Variants in ACTN1 observed in about 807,000 individuals in gnomAD.
The protein encoded by ACTN1 is alpha-actinin-1.
In ACTN1, 30 loss-of-function variants were observed where a neutral mutation model predicts 119.6. The observed-to-expected ratio is 0.25, with a 90% CI of 0.19 to 0.34. The LOEUF is 0.34. ACTN1 is among the 10% of genes least tolerant of loss of function. The pLI, the probability that ACTN1 is intolerant of heterozygous loss-of-function variation, is 1.00. For synonymous variants in ACTN1, 429 were observed against 472.6 expected (o/e 0.91, Z 1.20); for missense variants, 764 against 1,223.4 (o/e 0.62, Z 5.60).
intron 9 of ACTN1, 65 bp downstream of exon 9, chr14:68,893,590 G>C: frequency 6.9e-7 from 1 of 1,455,628 alleles, no homozygotes; most frequent in Non-Finnish European, 9.6e-7. Context: ...GAAAGACTTG[G>C]AGGTACACGT....
intron 1 of ACTN1, among the ~76,000 whole-genome samples, chr14:68,950,889 C>T (rs189099289): frequency 6.6e-6 from 1 of 152,262 alleles, no homozygotes; most frequent in Admixed American, 6.5e-5. Context: ...TATCATAAAA[C>T]AAAACAGATA....
intron 8 of ACTN1, among the ~76,000 whole-genome samples, chr14:68,897,703 C>T (rs1280865484): frequency 6.6e-6 from 1 of 152,244 alleles, no homozygotes; most frequent in Non-Finnish European, 1.5e-5. Flanking sequence ...CTGTCCACTG[C>T]CCAGTCTTTC....
At chr14:68,960,187 G>A (rs1159176712) in intron 1 of ACTN1, among the ~76,000 whole-genome samples, 1 of 152,172 alleles carries the variant, frequency 6.6e-6, no homozygotes, top group Admixed American at 6.5e-5. Flanking sequence ...AGAGGTGGAG[G>A]AGGAGGAAGG....
At chr14:68,924,175 C>G (rs376645129) in intron 2 of ACTN1, among the ~76,000 whole-genome samples, 1 of 152,224 alleles carries the variant, frequency 6.6e-6, no homozygotes, top group East Asian at 1.9e-4. Flanking sequence ...GATGAAGAGC[C>G]CTGAAGGTGG....
At chr14:68,976,359 T>A (rs1054923134) in intron 1 of ACTN1, among the ~76,000 whole-genome samples, 1 of 152,100 alleles carries the variant, frequency 6.6e-6, no homozygotes, top group East Asian at 1.9e-4. Context: ...CGCCTCCCAG[T>A]CAGTAGAAAG....
chr14:68,930,822 T>C (rs1438061506), intron 1 of ACTN1, among the ~76,000 whole-genome samples: 1 of 152,248 alleles, frequency 6.6e-6, no homozygotes, highest in Non-Finnish European at 1.5e-5. Context: ...GCAACTGCAA[T>C]AATTATCTAT....
intron 2 of ACTN1, among the ~76,000 whole-genome samples, chr14:68,924,704 T>C (rs767379823): frequency 6.6e-6 from 1 of 151,540 alleles, no homozygotes; most frequent in Non-Finnish European, 1.5e-5. Context: ...TAGGTGAGAG[T>C]TGACACAGGC....
In ACTN1 at chr14:68,893,643, G is replaced by C. The variant is rs113599841; in HGVS notation, c.855+12C>G. On this transcript the variant is annotated intron_variant, in intron 9 of 21. Coordinates refer to ENST00000394419, the MANE Select transcript of ACTN1 (RefSeq NM_001130004.2). ...TGCTAGAGTCAGGCCAGGTGAACCC[G>C]GGGGTACCCACATCACTGGCCAGCT... The C allele has an allele frequency of 4.4e-6, 7 of 1,602,622 alleles. No individual in the cohort carries two copies. The highest frequency in any genetic ancestry group is 5.9e-6 in the Non-Finnish European group (7 of 1,176,552).
chr14:68,895,948 G>T (rs2032844036), intron 8 of ACTN1, among the ~76,000 whole-genome samples: 1 of 152,146 alleles, frequency 6.6e-6, no homozygotes, highest in Non-Finnish European at 1.5e-5. Flanking sequence ...TTTCCACAAA[G>T]ATCCAACCGC....
At chr14:68,891,274 A>T (rs1171076692) in intron 10 of ACTN1, among the ~76,000 whole-genome samples, 1 of 152,170 alleles carries the variant, frequency 6.6e-6, no homozygotes, top group East Asian at 1.9e-4. Context: ...GGCTTATGAA[A>T]TTTTTCCCTA....
Position 68,879,725 on chromosome 14 carries a change from C to T in ACTN1, c.2280+237G>A, listed in dbSNP as rs2031313051. The T allele has an allele frequency of 4.0e-6, 2 of 497,114 alleles. No individual in the cohort carries two copies. Among genetic ancestry groups the T allele is most frequent in the Non-Finnish European group, 7.2e-6 (2 of 279,442 alleles). 30.8% of individuals were successfully genotyped at this position (497,114 alleles called of 1,614,324 possible). On this transcript the variant is annotated intron_variant, in intron 18 of 21. Transcript: ENST00000394419. This position sits in a 1 kb window ranked among gnomAD's most constrained non-coding sequence, Gnocchi z 4.9. Reference sequence around the variant, plus strand: ...GCAAGGATCAGGGGTCAAAGGTCCTCTTTCTACCCACAGTCTGAACACTCT... The same window carrying T: ...GCAAGGATCAGGGGTCAAAGGTCCTTTTTCTACCCACAGTCTGAACACTCT...
At chr14:68,932,685 A>G (rs1436140069) in intron 1 of ACTN1, among the ~76,000 whole-genome samples, 1 of 152,068 alleles carries the variant, frequency 6.6e-6, no homozygotes, top group Non-Finnish European at 1.5e-5. Context: ...AGAAGAGTTC[A>G]GTCAGACCAA....
intron 3 of ACTN1, among the ~76,000 whole-genome samples, chr14:68,917,631 G>A (rs909885741): frequency 6.6e-6 from 1 of 152,160 alleles, no homozygotes; most frequent in African/African-American, 2.4e-5. Context: ...GCCTCATCTA[G>A]TTTCTTGGCT....
chr14:68,916,154 T>C (rs546450057), intron 3 of ACTN1, among the ~76,000 whole-genome samples: 1 of 151,928 alleles, frequency 6.6e-6, no homozygotes. Context: ...AAGGGAAAAA[T>C]TTTTTAAGCC....
chr14:68,977,357 C>A (rs1192241672), intron 1 of ACTN1: 1 of 152,626 alleles, frequency 6.6e-6, no homozygotes, highest in Non-Finnish European at 1.5e-5. Flanking sequence ...CTGTCTGCAG[C>A]CCCCAGTCTT....
chr14:68,966,285 G>A (rs2036705191), intron 1 of ACTN1, among the ~76,000 whole-genome samples: 1 of 152,092 alleles, frequency 6.6e-6, no homozygotes, highest in East Asian at 1.9e-4. Flanking sequence ...GTGTCCAAGA[G>A]GGCAGAAACA....
At chr14:68,938,357 G>A (rs1456276629) in intron 1 of ACTN1, among the ~76,000 whole-genome samples, 1 of 151,996 alleles carries the variant, frequency 6.6e-6, no homozygotes, top group African/African-American at 2.4e-5. Flanking sequence ...GGGGACTGGG[G>A]GTGCACCTTG....
intron 1 of ACTN1, among the ~76,000 whole-genome samples, chr14:68,961,933 C>A (rs533447968): frequency 6.6e-6 from 1 of 152,310 alleles, no homozygotes; most frequent in East Asian, 1.9e-4. Flanking sequence ...ACCCACCCAG[C>A]CTGTACTTCT....
chr14:68,963,751 G>A (rs1232302008), intron 1 of ACTN1, among the ~76,000 whole-genome samples: 1 of 152,210 alleles, frequency 6.6e-6, no homozygotes, highest in Non-Finnish European at 1.5e-5. Flanking sequence ...TTTCTCACTT[G>A]AGAAGTTCCT....
Sources: allele counts gnomAD v4.1 joint callset (sites outside exome capture counted in the v4.1 genomes callset), GRCh38; gene constraint gnomAD v4.1.1; non-coding constraint Gnocchi (gnomAD v3.1); transcripts MANE v1.5; gene names NCBI Gene and HGNC (gene_info 2026-07-23, HGNC 2026-07-21).